The following PCDHA1 variants were observed in gnomAD, a reference collection of about 807,000 sequenced individuals.
PCDHA1 encodes the protein protocadherin alpha 1, also known as protocadherin alpha-1.
A neutral mutation model predicts 61.3 loss-of-function variants in PCDHA1; 42 were observed. The observed-to-expected ratio is 0.69, with a 90% CI of 0.54 to 0.89. PCDHA1 has a LOEUF of 0.89. Among genes scored for constraint, PCDHA1 ranks in the 40% least tolerant of loss-of-function variants. The pLI is 0.00. For missense variants in PCDHA1, 1,256 were observed against 1,235.3 expected, an observed-to-expected ratio of 1.02 and a Z score of -0.25; for synonymous variants, 610 against 553.8, an observed-to-expected ratio of 1.10 and a Z score of -1.43.
At chr5:140,823,962 C>G (rs2150130846) in intron 1 of PCDHA1, 6 of 1,613,908 alleles carry the variant, frequency 3.7e-6, no homozygotes, top group East Asian at 2.2e-5. Flanking sequence ...CCACCGAGGC[C>G]GTGTGCACAC....
intron 1 of PCDHA1, among the ~76,000 whole-genome samples, chr5:140,827,225 A>G (rs1210832493): frequency 2.6e-5 from 4 of 152,214 alleles, no homozygotes; most frequent in Admixed American, 2.6e-4. Flanking sequence ...AGGAAAGGAT[A>G]TGGGACAGGG....
intron 1 of PCDHA1, among the ~76,000 whole-genome samples, chr5:140,974,053 T>C (rs529581642): frequency 6.6e-6 from 1 of 152,346 alleles, no homozygotes; most frequent in African/African-American, 2.4e-5. Flanking sequence ...TATGATAATA[T>C]TTGGAGCAGT....
intron 1 of PCDHA1, chr5:140,842,737 C>A: frequency 6.3e-7 from 1 of 1,595,052 alleles, no homozygotes; most frequent in Non-Finnish European, 8.6e-7. Flanking sequence ...CGCCGGGCTG[C>A]CACATCTTCA....
intron 1 of PCDHA1, chr5:140,841,947 A>T: frequency 6.2e-7 from 1 of 1,613,886 alleles, no homozygotes; most frequent in Non-Finnish European, 8.5e-7. Context: ...CCTGCGCACC[A>T]CTTATTCCTG....
At chr5:140,969,766 C>A (rs1384743731) in intron 1 of PCDHA1, among the ~76,000 whole-genome samples, 2 of 152,130 alleles carry the variant, frequency 1.3e-5, no homozygotes, top group Non-Finnish European at 1.5e-5. Context: ...AGCTCTGAGG[C>A]CTCTAGGGGC....
intron 1 of PCDHA1, chr5:140,801,798 A>C: frequency 6.2e-7 from 1 of 1,614,058 alleles, no homozygotes; most frequent in Non-Finnish European, 8.5e-7. Context: ...AAAAAATTTA[A>C]ATCGAGAGGA....
intron 1 of PCDHA1, among the ~76,000 whole-genome samples, chr5:140,974,134 C>T (rs1212348196): frequency 1.3e-5 from 2 of 152,290 alleles, no homozygotes; most frequent in East Asian, 1.9e-4. Flanking sequence ...AATCTGCTAA[C>T]CTGAAAACTA....
rs567779090 is a variant in PCDHA1 at position 140,808,865 on chromosome 5, G to C, written c.2394+20181G>C. 4.3e-6 allele frequency: 7 copies of C among 1,613,122 alleles called. No individual in the cohort carries two copies. The East Asian group carries it at 1.3e-4, about 31-fold the overall frequency. ...GCAGGTGTTCGTGCTGGACGAAAACGACAACGCGCCAGCACTGCTAGCGCC... is the reference window on the plus strand; with the variant it reads ...GCAGGTGTTCGTGCTGGACGAAAACCACAACGCGCCAGCACTGCTAGCGCC... On this transcript the variant is annotated intron_variant, in intron 1 of 3. Coordinates refer to ENST00000504120, the MANE Select transcript of PCDHA1 (RefSeq NM_018900.4).
intron 1 of PCDHA1, among the ~76,000 whole-genome samples, chr5:140,953,839 A>G (rs2094940958): frequency 6.6e-6 from 1 of 152,192 alleles, no homozygotes; most frequent in African/African-American, 2.4e-5. Flanking sequence ...TTTGTTACCC[A>G]GGTAAACATG....
chr5:140,836,599 T>G (rs1166723338), intron 1 of PCDHA1: 13 of 1,613,608 alleles, frequency 8.1e-6, no homozygotes, highest in Non-Finnish European at 1.1e-5. Context: ...AAGCCCACTC[T>G]GGTGTGCTCC....
intron 1 of PCDHA1, chr5:140,835,445 C>T (rs2150235847): frequency 6.2e-7 from 1 of 1,613,864 alleles, no homozygotes; most frequent in South Asian, 1.1e-5. Flanking sequence ...CTCTCACTTC[C>T]CTGTCTCTCC....
chr5:140,937,099 G>T (rs890589684), intron 1 of PCDHA1, among the ~76,000 whole-genome samples: 1 of 149,656 alleles, frequency 6.7e-6, no homozygotes, highest in Non-Finnish European at 1.5e-5. Flanking sequence ...GTGCAGTGGC[G>T]CAGTCTCGGC....
At chr5:140,901,583 T>A (rs530803677) in intron 1 of PCDHA1, among the ~76,000 whole-genome samples, 6 of 152,222 alleles carry the variant, frequency 3.9e-5, no homozygotes, top group Non-Finnish European at 8.8e-5. Flanking sequence ...GCCAGTGCCA[T>A]GATGTTTTGG....
chr5:140,974,456 A>G (rs957426015), intron 1 of PCDHA1, among the ~76,000 whole-genome samples: 2 of 152,230 alleles, frequency 1.3e-5, no homozygotes, highest in Non-Finnish European at 2.9e-5. Context: ...AAATGACTAC[A>G]TTCAGAGGAA....
In PCDHA1 at chr5:140,787,436, C is replaced by G; in HGVS notation, c.1146C>G (p.Asn382Lys). Residue 382 changes from asparagine to lysine, a missense_variant, in exon 1 of 4, where the codon AAC (asparagine) becomes AAG (lysine). Transcript: ENST00000504120. ...ITVSDRDSGA[N>K]GQVTCSLMPH... Reference sequence around the variant, plus strand: ...TGTCTGACCGTGACTCAGGTGCCAACGGGCAGGTGACTTGCTCCTTAATGC... The same window carrying G: ...TGTCTGACCGTGACTCAGGTGCCAAGGGGCAGGTGACTTGCTCCTTAATGC... The G allele has an allele frequency of 6.2e-7, 1 of 1,614,234 alleles. No homozygotes were observed. Among genetic ancestry groups the G allele is most frequent in the Non-Finnish European group, 8.5e-7 (1 of 1,180,036 alleles).
intron 1 of PCDHA1, chr5:140,821,979 G>A (rs2150112472): frequency 8.7e-6 from 14 of 1,614,132 alleles, no homozygotes; most frequent in South Asian, 4.4e-5. Context: ...TGGCGTCCAA[G>A]GGCCGCGGGG....
At chr5:140,984,784 A>G (rs1022121650) in intron 3 of PCDHA1, among the ~76,000 whole-genome samples, 4 of 152,168 alleles carry the variant, frequency 2.6e-5, no homozygotes, top group Non-Finnish European at 4.4e-5. Context: ...TTGCTGGGTG[A>G]GCATAGACAA....
intron 1 of PCDHA1, among the ~76,000 whole-genome samples, chr5:140,827,206 A>G (rs1769216387): frequency 6.6e-6 from 1 of 152,196 alleles, no homozygotes; most frequent in South Asian, 2.1e-4. Flanking sequence ...AGTGAGTGAG[A>G]ACAATTAAAG....
At chr5:140,924,906 T>TAAAAA (rs1284498744) in intron 1 of PCDHA1, among the ~76,000 whole-genome samples, 1 of 55,822 alleles carries the variant, frequency 1.8e-5, no homozygotes, top group Non-Finnish European at 3.4e-5. Context: ...AAAAAAAAAA[T>TAAAAA]AAAATAAAAT....
Sources: gnomAD v4.1 joint callset for allele counts (sites outside exome capture counted in the v4.1 genomes callset) on GRCh38, gnomAD v4.1.1 for gene constraint, MANE v1.5 for transcripts, NCBI Gene and HGNC (gene_info 2026-07-23, HGNC 2026-07-21) for gene names.